The following DEAF1 variants were observed in gnomAD, a reference collection of about 807,000 sequenced individuals.
DEAF1 encodes deformed epidermal autoregulatory factor 1 homolog.
In DEAF1, 53 loss-of-function variants were observed where a neutral mutation model predicts 58.9. The ratio of observed to expected loss-of-function variants is 0.90; its 90% CI spans 0.72 to 1.13. DEAF1 has a LOEUF of 1.13. DEAF1 is among the 50% of genes most tolerant of loss of function. DEAF1 has a pLI of 0.00. For missense variants in DEAF1, 685 were observed against 791.4 expected, an observed-to-expected ratio of 0.87 and a Z score of 1.61; for synonymous variants, 385 against 340.4, an observed-to-expected ratio of 1.13 and a Z score of -1.44.
intron 11 of DEAF1, among the ~76,000 whole-genome samples, chr11:652,387 C>G (rs1858816906): frequency 6.6e-6 from 1 of 152,174 alleles, no homozygotes; most frequent in Admixed American, 6.6e-5. Context: ...CTTGCAATCC[C>G]AGCAATTTGG....
At chr11:666,873 C>CAAAAAAAAAAAAAAAAA (rs532628897) in intron 10 of DEAF1, among the ~76,000 whole-genome samples, 1 of 60,250 alleles carries the variant, frequency 1.7e-5, no homozygotes, top group African/African-American at 6.4e-5. Context: ...ACTCTGTCTC[C>CAAAAAAAAAAAAAAAAA]AAAAAAAAAA....
chr11:695,424 G>A (rs1049610081), upstream of DEAF1: 6 of 432,488 alleles, frequency 1.4e-5, no homozygotes, highest in African/African-American at 6.1e-5. Flanking sequence ...GTCCTGACAG[G>A]CTGAGGCGGC....
At chr11:703,702 T>G (rs1246180223) in intron 1 of DEAF1, 1 of 1,232,326 alleles carries the variant, frequency 8.1e-7, no homozygotes, top group Non-Finnish European at 1.0e-6. Flanking sequence ...GCAGGCCCGG[T>G]GCAAGAGTGG....
chr11:690,699 T>C (rs910776934), intron 2 of DEAF1, among the ~76,000 whole-genome samples: 2 of 152,068 alleles, frequency 1.3e-5, no homozygotes, highest in African/African-American at 2.4e-5. Flanking sequence ...TGAGCCGAGA[T>C]TGCACCACTG....
At chr11:685,020 T>C (rs1473759136) in intron 5 of DEAF1, 57 bp from the exon 6 acceptor site, 19 of 1,359,352 alleles carry the variant, frequency 1.4e-5, no homozygotes, top group Non-Finnish European at 1.8e-5. Flanking sequence ...ATGTCAATCA[T>C]TCAATAATAG....
chr11:696,899 G>A (rs1330556363), upstream of DEAF1, among the ~76,000 whole-genome samples: 1 of 151,948 alleles, frequency 6.6e-6, no homozygotes, highest in African/African-American at 2.4e-5. Context: ...GACCAACATG[G>A]AGAAACCCCG....
At chr11:700,808 C>A in intron 1 of DEAF1, 3 of 1,115,588 alleles carry the variant, frequency 2.7e-6, no homozygotes, top group African/African-American at 1.5e-5. Context: ...TTCTCAGAGA[C>A]ATTTTTTATC....
At chr11:684,824 C>G in intron 6 of DEAF1, 74 bp downstream of exon 6, 2 of 1,314,690 alleles carry the variant, frequency 1.5e-6, no homozygotes. Flanking sequence ...GCCGAGAGGC[C>G]AAGGGCTGTG....
intron 1 of DEAF1, chr11:700,838 C>G (rs1564962349): frequency 7.0e-6 from 6 of 857,112 alleles, no homozygotes; most frequent in East Asian, 2.4e-5. Flanking sequence ...TACCCAGTTG[C>G]TTTGCAGGCT....
At chr11:690,272 AGGG>A (rs1564952217) in intron 2 of DEAF1, among the ~76,000 whole-genome samples, 133 of 5,964 alleles carry the variant, frequency 0.022, 5 homozygotes, top group East Asian at 0.068. Flanking sequence ...AGGGCAGGGC[AGGG>A]GAGGGCAGGG....
chr11:671,565 C>T (rs1299288023), intron 10 of DEAF1, among the ~76,000 whole-genome samples: 1 of 151,368 alleles, frequency 6.6e-6, no homozygotes, highest in African/African-American at 2.4e-5. Flanking sequence ...AGTAGAAACA[C>T]TTTTCTTCCT....
chr11:648,355 A>C (rs561456929), intron 11 of DEAF1, among the ~76,000 whole-genome samples: 33 of 151,934 alleles, frequency 2.2e-4, no homozygotes, highest in Admixed American at 8.5e-4. Flanking sequence ...CCACCACGCC[A>C]AGCTAATTTT....
At chr11:683,140 T>C (rs1860446896) in intron 6 of DEAF1, among the ~76,000 whole-genome samples, 1 of 152,142 alleles carries the variant, frequency 6.6e-6, no homozygotes, top group East Asian at 1.9e-4. Context: ...CAATTTTCAC[T>C]AGTTATTTCT....
intron 1 of DEAF1, among the ~76,000 whole-genome samples, chr11:693,873 C>G (rs1464327784): frequency 6.6e-6 from 1 of 152,228 alleles, no homozygotes; most frequent in African/African-American, 2.4e-5. Flanking sequence ...GGAAGCCCGA[C>G]AGGAAGCGGG....
At chr11:678,926 A>G in intron 8 of DEAF1, 104 bp from the exon 9 acceptor site, 1 of 1,485,166 alleles carries the variant, frequency 6.7e-7, no homozygotes, top group Non-Finnish European at 9.1e-7. Context: ...ATAGTAGCTT[A>G]TGGCCACACG....
Position 694,938 on chromosome 11 carries a change from G to T in DEAF1, c.110C>A (p.Ala37Glu). The T allele has an allele frequency of 7.6e-7, 1 of 1,317,666 alleles. No homozygotes were observed. Among genetic ancestry groups the T allele is most frequent in the Non-Finnish European group, 9.7e-7 (1 of 1,033,192 alleles). 81.6% of individuals were successfully genotyped at this position (1,317,666 alleles called of 1,614,324 possible). Residue 37 changes from alanine (A) to glutamate (E), a missense_variant, in exon 1 of 12, where the codon GCG becomes GAG. By Grantham distance (107) the Ala-to-Glu change is moderately radical. This residue lies in a region of DEAF1 where 210 missense variants were observed against 177.3 expected (regional missense o/e 1.18). Transcript: ENST00000382409. Reference protein sequence around the residue: ...AAAAAAAGGEAEEPVLSRDED... With the variant: ...AAAAAAAGGEEEEPVLSRDED... ...GTCCCTGCTCAGCACCGGCTCCTCCGCCTCGCCTCCTGCCGCGGCCGCGGC... is the reference window on the plus strand; with the variant it reads ...GTCCCTGCTCAGCACCGGCTCCTCCTCCTCGCCTCCTGCCGCGGCCGCGGC...
intron 10 of DEAF1, among the ~76,000 whole-genome samples, chr11:664,265 CAGAGA>C (rs1453817606): frequency 6.6e-6 from 1 of 151,372 alleles, no homozygotes; most frequent in Non-Finnish European, 1.5e-5. Flanking sequence ...TTGTAGCCAC[CAGAGA>C]AAAGAAAAAA....
chr11:688,462 T>G lies in DEAF1; in HGVS notation c.388-2A>C. 2 of 1,613,496 alleles carry G rather than the reference T, an allele frequency of 1.2e-6. No individual in the cohort carries two copies. Among genetic ancestry groups the G allele is most frequent in the Non-Finnish European group, 1.7e-6 (2 of 1,179,922 alleles). On this transcript the variant is annotated splice_acceptor_variant, in intron 2 of 11. Coordinates refer to ENST00000382409, the MANE Select transcript of DEAF1 (RefSeq NM_021008.4). LOFTEE classifies it high-confidence loss of function. The surrounding 1 kb of genome is among the most constrained non-coding windows in gnomAD (Gnocchi z 4.3). ...GATCTGAAGGGCCGTCCTACCAGAC[T>G]AGAAGGAAAAACCGCTCCGTCAGGT...
chr11:674,489 G>A (rs200160165), intron 10 of DEAF1, 47 bp downstream of exon 10: 12 of 1,612,746 alleles, frequency 7.4e-6, no homozygotes, highest in Non-Finnish European at 1.0e-5. Flanking sequence ...AGGGTGGCCT[G>A]GGGTTACTCG....
Sources: allele counts gnomAD v4.1 joint callset (sites outside exome capture counted in the v4.1 genomes callset), GRCh38; gene constraint gnomAD v4.1.1; regional missense constraint gnomAD v4.1.1; non-coding constraint Gnocchi (gnomAD v3.1); transcripts MANE v1.5; gene names NCBI Gene and HGNC (gene_info 2026-07-23, HGNC 2026-07-21).